The following TMEM232 variants were observed in gnomAD, a reference collection of about 807,000 sequenced individuals.
The protein encoded by TMEM232 is transmembrane protein 232.
A neutral mutation model predicts 78.8 loss-of-function variants in TMEM232; 80 were observed. The ratio of observed to expected loss-of-function variants is 1.01; its 90% confidence interval spans 0.85 to 1.22. The LOEUF (loss-of-function observed/expected upper bound fraction) is 1.22. Among genes scored for constraint, TMEM232 ranks in the 50% most tolerant of loss-of-function variants. The probability of loss-of-function intolerance (pLI) is 0.00; values close to 1 mark genes in which losing one functional copy is unlikely to be tolerated. For missense variants in TMEM232, 881 were observed against 742.2 expected, an observed-to-expected ratio of 1.19 and a Z score of -2.17; for synonymous variants, 297 against 254.3, an observed-to-expected ratio of 1.17 and a Z score of -1.60.
At chr5:110,568,921 T>C (rs1350160693) in intron 10 of TMEM232, among the ~76,000 whole-genome samples, 1 of 151,830 alleles carries the variant, frequency 6.6e-6, no homozygotes, top group Non-Finnish European at 1.5e-5. Context: ...ACAAAATAAA[T>C]TCTTAGAATT....
intron 2 of TMEM232, among the ~76,000 whole-genome samples, chr5:110,399,525 C>A (rs1261916707): frequency 2.0e-5 from 3 of 152,112 alleles, no homozygotes; most frequent in African/African-American, 7.2e-5. Context: ...CTTCCTCTCA[C>A]AATAACTGCT....
chr5:110,584,607 T>G (rs1778593381), intron 10 of TMEM232, among the ~76,000 whole-genome samples: 1 of 152,092 alleles, frequency 6.6e-6, no homozygotes, highest in South Asian at 2.1e-4. Flanking sequence ...AGGATTCATG[T>G]GTTTGATTAA....
intron 10 of TMEM232, among the ~76,000 whole-genome samples, chr5:110,580,735 A>ATT (rs112634921): frequency 2.0e-5 from 3 of 150,884 alleles, no homozygotes; most frequent in South Asian, 2.1e-4. Flanking sequence ...AAACAGGATA[A>ATT]TTTTTTTTTC....
intron 2 of TMEM232, among the ~76,000 whole-genome samples, chr5:110,651,444 G>C: frequency 6.7e-6 from 1 of 149,458 alleles, no homozygotes; most frequent in East Asian, 2.0e-4. Flanking sequence ...GGGAAGGGGA[G>C]GAAAAGGGAA....
At chr5:110,457,871 T>C (rs761182872) in intron 12 of TMEM232, among the ~76,000 whole-genome samples, 3 of 152,076 alleles carry the variant, frequency 2.0e-5, no homozygotes, top group African/African-American at 4.8e-5. Context: ...ACAAATATCA[T>C]AGATAATAAT....
chr5:110,639,129 T>C (rs1786315581), intron 4 of TMEM232, among the ~76,000 whole-genome samples: 1 of 151,986 alleles, frequency 6.6e-6, no homozygotes, highest in African/African-American at 2.4e-5. Flanking sequence ...CTGAACATAA[T>C]GAGTAAGTAG....
chr5:110,650,686 G>C (rs1434596192), intron 2 of TMEM232, among the ~76,000 whole-genome samples: 1 of 152,062 alleles, frequency 6.6e-6, no homozygotes, highest in African/African-American at 2.4e-5. Context: ...AACAAAGTCT[G>C]AGAAACTGTC....
intron 1 of TMEM232, among the ~76,000 whole-genome samples, chr5:110,681,965 C>A (rs1365475442): frequency 1.3e-5 from 2 of 151,984 alleles, no homozygotes; most frequent in Admixed American, 6.6e-5. Flanking sequence ...TCTTTAGTAA[C>A]CCCAGACCAT....
chr5:110,423,282 A>G (rs1157691804), intron 13 of TMEM232, among the ~76,000 whole-genome samples: 2 of 152,186 alleles, frequency 1.3e-5, no homozygotes, highest in African/African-American at 4.8e-5. Context: ...ATTTACTTAA[A>G]ACATTGAGCA....
At chr5:110,587,209 C>T (rs1320787077) in intron 10 of TMEM232, among the ~76,000 whole-genome samples, 1 of 151,836 alleles carries the variant, frequency 6.6e-6, no homozygotes, top group African/African-American at 2.4e-5. Flanking sequence ...TACATATACA[C>T]CCAGAGACAC....
At chr5:110,553,994 G>T (rs1774768090) in intron 11 of TMEM232, among the ~76,000 whole-genome samples, 1 of 152,102 alleles carries the variant, frequency 6.6e-6, no homozygotes, top group African/African-American at 2.4e-5. Context: ...TTTTAGTTCT[G>T]TTTATGTGAT....
chr5:110,644,006 T>C (rs2150028619), intron 2 of TMEM232, among the ~76,000 whole-genome samples: 1 of 152,106 alleles, frequency 6.6e-6, no homozygotes, highest in South Asian at 2.1e-4. Context: ...CTTCTATATA[T>C]CAGGCACTAA....
At chr5:110,674,648 C>T (rs948526060) in intron 1 of TMEM232, among the ~76,000 whole-genome samples, 1 of 152,176 alleles carries the variant, frequency 6.6e-6, no homozygotes, top group Non-Finnish European at 1.5e-5. Context: ...TAGCCAATAG[C>T]ACTTTATATT....
chr5:110,426,693 G>C (rs1178938308), intron 12 of TMEM232, among the ~76,000 whole-genome samples: 1 of 151,974 alleles, frequency 6.6e-6, no homozygotes, highest in Non-Finnish European at 1.5e-5. Context: ...GCTTCTTAAT[G>C]CATGCAGAAT....
At position 110,656,447 on chromosome 5, in the gene TMEM232, A is replaced by G. The variant is rs147832189; in HGVS notation, c.125+10781T>C. Among the ~76,000 whole-genome samples the G allele has an allele frequency of 3.5e-4, 53 of 152,334 alleles. No homozygotes were observed. The East Asian group carries it at 9.6e-3, about 28-fold the overall frequency. On this transcript the variant is annotated intron_variant, in intron 2 of 13. Transcript: ENST00000455884. ...GTTAGTTTGAACGTGTGCCTGTTTC[A>G]TACAAACAAGCATCCTAGACTGAGA...
chr5:110,544,190 CTTCT>C (rs1773497340), intron 11 of TMEM232, among the ~76,000 whole-genome samples: 1 of 152,050 alleles, frequency 6.6e-6, no homozygotes, highest in South Asian at 2.1e-4. Context: ...TAGAACATGA[CTTCT>C]TTATTAAGAA....
At chr5:110,483,207 T>C (rs1764081729) in intron 12 of TMEM232, among the ~76,000 whole-genome samples, 1 of 152,126 alleles carries the variant, frequency 6.6e-6, no homozygotes, top group Admixed American at 6.6e-5. Context: ...GCAAAGAATG[T>C]GTGCACTGTT....
intron 7 of TMEM232, among the ~76,000 whole-genome samples, chr5:110,621,201 AT>A (rs200479351): frequency 0.041 from 6,208 of 151,682 alleles, 416 homozygotes; most frequent in African/African-American, 0.14. Context: ...TTTTCAAAAA[AT>A]AAAAAATAAA....
At chr5:110,655,388 T>C (rs1788892504) in intron 2 of TMEM232, among the ~76,000 whole-genome samples, 2 of 149,390 alleles carry the variant, frequency 1.3e-5, no homozygotes, top group Non-Finnish European at 3.0e-5. Context: ...ATGGCTATCA[T>C]TAAAAAGTCA....
Sources: gnomAD v4.1 joint callset for allele counts (sites outside exome capture counted in the v4.1 genomes callset) on GRCh38, gnomAD v4.1.1 for gene constraint, MANE v1.5 for transcripts, NCBI Gene and HGNC (gene_info 2026-07-23, HGNC 2026-07-21) for gene names.